The following RGPD2 variants were observed in gnomAD, a reference collection of about 807,000 sequenced individuals.
RGPD2 encodes RANBP2 like and GRIP domain containing 2.
A neutral mutation model predicts 36.0 loss-of-function variants in RGPD2; 2 were observed. The ratio of observed to expected loss-of-function variants is 0.06; its 90% CI spans 0.02 to 0.17. The LOEUF is 0.17. RGPD2 is among the 10% of genes least tolerant of loss of function. The pLI, the probability that RGPD2 is intolerant of heterozygous loss-of-function variation, is 1.00. For missense variants in RGPD2, 40 were observed against 464.3 expected (o/e 0.09, Z 8.40); for synonymous variants, 19 against 163.8 (o/e 0.12, Z 6.75).
At chr2:87,966,564 AAAAATAAAAT>A in the RGPD2 span, among the ~76,000 whole-genome samples, 2 of 148,070 alleles carry the variant, frequency 1.4e-5, no homozygotes, top group Admixed American at 6.7e-5. Context: ...CAAAAGCAGA[AAAAATAAAAT>A]AAAATAAAAT....
chr2:87,917,333 G>A, the RGPD2 span, among the ~76,000 whole-genome samples: 1 of 109,048 alleles, frequency 9.2e-6, no homozygotes, highest in African/African-American at 3.7e-5. Context: ...TCTGACTTTT[G>A]TTTTCAGAGA....
At chr2:87,966,000 C>A in the RGPD2 span, among the ~76,000 whole-genome samples, 1 of 119,662 alleles carries the variant, frequency 8.4e-6, no homozygotes, top group Non-Finnish European at 1.9e-5. Flanking sequence ...GCTAACAGTC[C>A]CTGATGAATG....
chr2:87,836,832 A>G, the RGPD2 span, among the ~76,000 whole-genome samples: 49 of 152,212 alleles, frequency 3.2e-4, no homozygotes, highest in Admixed American at 2.6e-3. Context: ...ACTGCCTTCA[A>G]AATAGCCATC....
intron 22 of RGPD2, among the ~76,000 whole-genome samples, chr2:87,760,949 A>G (rs1283748813): frequency 1.3e-5 from 2 of 149,104 alleles, no homozygotes; most frequent in African/African-American, 4.9e-5. Flanking sequence ...GTATTTCCAA[A>G]AAGTCTCCAT....
chr2:87,825,522 C>CGGCCGA (rs1307876190), intron 1 of RGPD2, 136 bp downstream of exon 1: 3 of 436,398 alleles, frequency 6.9e-6, no homozygotes, highest in Admixed American at 1.4e-4. Context: ...GGCCGCCGCC[C>CGGCCGA]GGCCGAGGCC....
intron 1 of RGPD2, among the ~76,000 whole-genome samples, chr2:87,825,440 C>A (rs1477916878): frequency 8.4e-6 from 1 of 118,580 alleles, no homozygotes; most frequent in Non-Finnish European, 2.0e-5. Flanking sequence ...CCGCCGCCGC[C>A]GCCCGGCCAG....
chr2:87,987,991 C>A, the RGPD2 span, among the ~76,000 whole-genome samples: 1 of 150,182 alleles, frequency 6.7e-6, no homozygotes, highest in Admixed American at 6.7e-5. Context: ...TACGAAATAC[C>A]TTTTAGAAGG....
chr2:87,844,933 A>G, the RGPD2 span, among the ~76,000 whole-genome samples: 1 of 120,556 alleles, frequency 8.3e-6, no homozygotes, highest in Non-Finnish European at 1.7e-5. Flanking sequence ...TTTTCTAATC[A>G]TAGCACCTTA....
the RGPD2 span, among the ~76,000 whole-genome samples, chr2:87,983,125 G>T: frequency 6.7e-6 from 1 of 149,628 alleles, no homozygotes; most frequent in African/African-American, 2.5e-5. Flanking sequence ...TTTGAAACCA[G>T]CATAGCCCAC....
chr2:87,915,654 A>T, the RGPD2 span, among the ~76,000 whole-genome samples: 19 of 146,430 alleles, frequency 1.3e-4, no homozygotes, highest in Non-Finnish European at 3.0e-5. Context: ...ACACATATAT[A>T]TGTGTGTATA....
chr2:87,887,517 A>T, the RGPD2 span, among the ~76,000 whole-genome samples: 2 of 151,868 alleles, frequency 1.3e-5, no homozygotes, highest in Non-Finnish European at 2.9e-5. Context: ...TTGTATAATC[A>T]TTGCAATCAG....
At chr2:87,843,992 C>T in the RGPD2 span, among the ~76,000 whole-genome samples, 1 of 151,582 alleles carries the variant, frequency 6.6e-6, no homozygotes, top group Non-Finnish European at 1.5e-5. Flanking sequence ...TATTCTCACT[C>T]ATAGGTGGGA....
chr2:87,858,410 T>G, the RGPD2 span, among the ~76,000 whole-genome samples: 1 of 151,892 alleles, frequency 6.6e-6, no homozygotes, highest in Admixed American at 6.6e-5. Context: ...TGTGGCTTTT[T>G]AAAAAAGCTT....
At chr2:87,961,826 G>A in the RGPD2 span, among the ~76,000 whole-genome samples, 1 of 151,402 alleles carries the variant, frequency 6.6e-6, no homozygotes, top group Non-Finnish European at 1.5e-5. Flanking sequence ...GCTTATAAGT[G>A]GACCCAGGCA....
chr2:87,878,249 G>A, the RGPD2 span, among the ~76,000 whole-genome samples: 2 of 149,536 alleles, frequency 1.3e-5, no homozygotes, highest in Middle Eastern at 3.4e-3. Flanking sequence ...CTCTATTCTT[G>A]TCTGCCTCTG....
At chr2:87,857,450 C>G in the RGPD2 span, among the ~76,000 whole-genome samples, 16 of 151,650 alleles carry the variant, frequency 1.1e-4, no homozygotes, top group South Asian at 2.3e-3. Context: ...TCACGCCATT[C>G]TCCTGCCTCA....
rs1331031247 is a variant in RGPD2 at position 87,825,776 on chromosome 2, C to T, written c.-47G>A. On this transcript the variant is annotated 5_prime_UTR_variant, in exon 1 of 23. Coordinates refer to ENST00000398146, the MANE Select transcript of RGPD2 (RefSeq NM_001078170.3). ...GAGACGCGTGAAACCAGCGCTCAGC[C>T]CCGCAGCAGTCGCCAATTCCAACAG... 12 of 1,529,400 alleles carry T rather than the reference C, an allele frequency of 7.8e-6. No individual in the cohort carries two copies. In the Admixed American group the frequency reaches 1.1e-4, roughly 14 times the overall value. 94.7% of individuals were successfully genotyped at this position (1,529,400 alleles called of 1,614,324 possible).
intron 8 of RGPD2, among the ~76,000 whole-genome samples, chr2:87,799,097 G>A (rs1356061224): frequency 6.6e-6 from 1 of 150,550 alleles, no homozygotes; most frequent in Non-Finnish European, 1.5e-5. Context: ...GGCCGGGCGC[G>A]GTGGCTCACG....
the RGPD2 span, among the ~76,000 whole-genome samples, chr2:87,903,555 TC>T: frequency 6.6e-6 from 1 of 151,938 alleles, no homozygotes; most frequent in African/African-American, 2.4e-5. Context: ...CATAGGTTCC[TC>T]CCCCCAGACA....
Sources: gnomAD v4.1 joint callset for allele counts (sites outside exome capture counted in the v4.1 genomes callset) on GRCh38, gnomAD v4.1.1 for gene constraint, MANE v1.5 for transcripts, NCBI Gene and HGNC (gene_info 2026-07-23, HGNC 2026-07-21) for gene names.